The following EFCAB13 variants were observed in gnomAD, a reference collection of about 807,000 sequenced individuals.
EFCAB13 encodes EF-hand calcium-binding domain-containing protein 13.
A neutral mutation model predicts 110.2 loss-of-function variants in EFCAB13; 91 were observed. The ratio of observed to expected loss-of-function variants is 0.83; its 90% CI spans 0.70 to 0.98. The LOEUF is 0.98. Among genes scored for constraint, EFCAB13 ranks in the 50% least tolerant of loss-of-function variants. EFCAB13 has a pLI of 0.00. For synonymous variants in EFCAB13, 323 were observed against 369.9 expected (o/e 0.87, Z 1.45); for missense variants, 968 against 1,119.4 (o/e 0.86, Z 1.93).
Position 47,429,973 on chromosome 17 carries a change from C to A in EFCAB13, c.2638+12C>A. On this transcript the variant is annotated intron_variant, in intron 24 of 24. Coordinates refer to ENST00000331493, the MANE Select transcript of EFCAB13 (RefSeq NM_152347.5). ...TGTACCTGAACATGGTTAGTAGTTTCAATGCGTCTATCTTATAAGGACCAT... is the reference window on the plus strand; with the variant it reads ...TGTACCTGAACATGGTTAGTAGTTTAAATGCGTCTATCTTATAAGGACCAT... 6.3e-7 allele frequency: 1 copy of A among 1,587,198 alleles called. No homozygotes were observed. Among genetic ancestry groups the A allele is most frequent in the East Asian group, 2.3e-5 (1 of 44,136 alleles).
At chr17:47,430,315 C>T (rs1378471946) in intron 24 of EFCAB13, 1 of 630,622 alleles carries the variant, frequency 1.6e-6, no homozygotes, top group Non-Finnish European at 2.0e-6. Flanking sequence ...TGATGATATC[C>T]AGGGATACCA....
chr17:47,324,024 CAGAG>C lies in EFCAB13; in HGVS notation c.-365_-362del, dbSNP rs1782941620. The stretch of plus-strand genomic sequence containing the variant: ...CCCGAGGGGCGGCAGGGGCTGACCA[CAGAG>C]AGCGCGGGGGCCTCCAGCCGAGAGG... On this transcript the variant is annotated 5_prime_UTR_variant, in exon 1 of 25. Transcript: ENST00000331493. 1 of 152,510 alleles carries C rather than the reference CAGAG, an allele frequency of 6.6e-6. No homozygotes were observed. The highest frequency in any genetic ancestry group is 2.1e-4 in the South Asian group (1 of 4,808). The allele number at this position is 152,510 out of a possible 1,614,324, so 9.4% of individuals were successfully genotyped here.
chr17:47,394,204 G>T, intron 16 of EFCAB13, 105 bp downstream of exon 16: 2 of 645,466 alleles, frequency 3.1e-6, no homozygotes, highest in Non-Finnish European at 4.9e-6. Flanking sequence ...TAGTTATCCT[G>T]CAGGTCATCC....
At chr17:47,392,595 T>C (rs913703710) in intron 15 of EFCAB13, among the ~76,000 whole-genome samples, 2 of 151,836 alleles carry the variant, frequency 1.3e-5, no homozygotes, top group African/African-American at 2.4e-5. Context: ...TCCAAACATA[T>C]CCACAAACAT....
intron 23 of EFCAB13, among the ~76,000 whole-genome samples, chr17:47,426,382 T>C (rs1320289556): frequency 6.6e-6 from 1 of 152,204 alleles, no homozygotes. Context: ...ATGAAATGCA[T>C]TGTATACAAA....
At position 47,395,136 on chromosome 17, in the gene EFCAB13, G is replaced by T; in HGVS notation, c.1802-698G>T. On this transcript the variant is annotated intron_variant, in intron 16 of 24. Coordinates refer to ENST00000331493, the MANE Select transcript of EFCAB13 (RefSeq NM_152347.5). ...TATACCTAATACCCTAGACTGTCTT[G>T]CCTCCGTGTACTTTTGTTGCACCTA... Among the ~76,000 whole-genome samples the T allele has an allele frequency of 1.3e-5, 2 of 151,928 alleles. 1 individual carries two copies. The highest frequency in any genetic ancestry group is 2.9e-5 in the Non-Finnish European group (2 of 67,988).
chr17:47,404,048 GTTT>G, intron 19 of EFCAB13, 27 bp downstream of exon 19: 1 of 1,329,934 alleles, frequency 7.5e-7, no homozygotes, highest in Non-Finnish European at 1.0e-6. Context: ...TTACTCTCAG[GTTT>G]TTTTTTTGTA....
intron 2 of EFCAB13, among the ~76,000 whole-genome samples, chr17:47,325,937 T>TATATATATAAACAAA (rs1567776844): frequency 8.1e-5 from 4 of 49,128 alleles, no homozygotes; most frequent in Admixed American, 5.7e-4. Context: ...TATATATATA[T>TATATATATAAACAAA]ATATATATAT....
rs112378445 is a variant in EFCAB13 at position 47,373,021 on chromosome 17, C to G, written c.878-1451C>G. 1.1e-3 allele frequency among the ~76,000 whole-genome samples: 165 copies of G among 151,964 alleles called. 1 individual carries two copies. Among genetic ancestry groups the G allele is most frequent in the Non-Finnish European group, 2.0e-3 (137 of 67,928 alleles). On this transcript the variant is annotated intron_variant, in intron 11 of 24. Coordinates refer to ENST00000331493, the MANE Select transcript of EFCAB13 (RefSeq NM_152347.5). ...GTAAGTTTTCTACTCTTTTGTCTTT[C>G]TCTTCTCCTTCATAAACTCTTATAA... is the stretch of plus-strand genomic sequence containing the variant.
At chr17:47,361,783 C>G (rs1181214102) in intron 10 of EFCAB13, among the ~76,000 whole-genome samples, 1 of 152,112 alleles carries the variant, frequency 6.6e-6, no homozygotes, top group Non-Finnish European at 1.5e-5. Context: ...CCTTACATCT[C>G]TTTTCCAAGT....
intron 23 of EFCAB13, among the ~76,000 whole-genome samples, chr17:47,429,101 A>G (rs991446060): frequency 6.6e-6 from 1 of 152,140 alleles, no homozygotes; most frequent in Non-Finnish European, 1.5e-5. Context: ...AAATTATTTT[A>G]TTTATACAAT....
At chr17:47,398,780 C>T (rs1039932695) in intron 17 of EFCAB13, among the ~76,000 whole-genome samples, 2 of 151,214 alleles carry the variant, frequency 1.3e-5, no homozygotes, top group Non-Finnish European at 3.0e-5. Context: ...ATCTGCTGAC[C>T]TTGCCTCCAC....
Position 47,374,644 on chromosome 17 carries a change from G to A in EFCAB13, c.1050G>A (p.Met350Ile). Reference sequence around the variant, plus strand: ...GCAACCAATATTATAGCAAAATTATGGAGAATGATGACCTTGAATCTAAAA... The same window carrying A: ...GCAACCAATATTATAGCAAAATTATAGAGAATGATGACCTTGAATCTAAAA... ...KKSNQYYSKI[M>I]ENDDLESKRP... The change falls in exon 12 of 25, where the codon ATG (methionine) becomes ATA (isoleucine). Residue 350 changes from methionine (M) to isoleucine (I), a missense_variant. Met to Ile is a conservative substitution (Grantham distance 10). Transcript: ENST00000331493. The A allele has an allele frequency of 6.2e-7, 1 of 1,606,994 alleles. No homozygotes were observed.
At chr17:47,418,338 T>C (rs1400649438) in intron 23 of EFCAB13, among the ~76,000 whole-genome samples, 1 of 152,178 alleles carries the variant, frequency 6.6e-6, no homozygotes, top group East Asian at 1.9e-4. Context: ...AATAGGGCAC[T>C]TTTGTCTGCA....
At chr17:47,338,249 T>TG (rs1567780820) in intron 5 of EFCAB13, among the ~76,000 whole-genome samples, 1 of 151,542 alleles carries the variant, frequency 6.6e-6, no homozygotes, top group Non-Finnish European at 1.5e-5. Context: ...ACTAGTTTTT[T>TG]TTTTTTTTTT....
At chr17:47,353,924 G>T (rs113559375) in intron 9 of EFCAB13, among the ~76,000 whole-genome samples, 1 of 151,982 alleles carries the variant, frequency 6.6e-6, no homozygotes, top group African/African-American at 2.4e-5. Flanking sequence ...CTGGGTTTGG[G>T]TTTGGTTTGT....
chr17:47,370,409 T>TA, intron 10 of EFCAB13, 28 bp from the exon 11 acceptor site: 1 of 1,396,416 alleles, frequency 7.2e-7, no homozygotes, highest in Non-Finnish European at 1.0e-6. Context: ...CAAAAGTAAA[T>TA]ACAGTATTTG....
At chr17:47,377,190 C>T (rs1405674212) in intron 12 of EFCAB13, among the ~76,000 whole-genome samples, 2 of 152,122 alleles carry the variant, frequency 1.3e-5, no homozygotes, top group Non-Finnish European at 2.9e-5. Flanking sequence ...CATACAAACA[C>T]ACACACACAC....
intron 11 of EFCAB13, among the ~76,000 whole-genome samples, chr17:47,373,468 T>G (rs1354586791): frequency 6.6e-6 from 1 of 152,180 alleles, no homozygotes; most frequent in African/African-American, 2.4e-5. Context: ...ATTATTGTGC[T>G]CTTTTGGTAG....
Sources: gnomAD v4.1 joint callset for allele counts (sites outside exome capture counted in the v4.1 genomes callset) on GRCh38, gnomAD v4.1.1 for gene constraint, MANE v1.5 for transcripts, NCBI Gene and HGNC (gene_info 2026-07-23, HGNC 2026-07-21) for gene names.